The following RPS10 variants were observed in gnomAD, a reference collection of about 807,000 sequenced individuals.
RPS10 encodes ribosomal protein S10.
A neutral mutation model predicts 22.6 loss-of-function variants in RPS10; 2 were observed. That is an observed-to-expected ratio of 0.09 (90% CI 0.04 to 0.28). RPS10 has a LOEUF of 0.28. Ranked by LOEUF, RPS10 falls within the 10% of genes least tolerant of loss-of-function variation. The pLI, the probability that RPS10 is intolerant of heterozygous loss-of-function variation, is 1.00. For synonymous variants in RPS10, 70 were observed against 75.9 expected, an observed-to-expected ratio of 0.92 and a Z score of 0.40; for missense variants, 137 against 222.2, an observed-to-expected ratio of 0.62 and a Z score of 2.44.
At chr6:34,421,662 C>T (rs1395294704) in intron 4 of RPS10, 68 bp downstream of exon 4, 1 of 1,587,126 alleles carries the variant, frequency 6.3e-7, no homozygotes, top group Non-Finnish European at 8.6e-7. Flanking sequence ...CCCACCCAGC[C>T]AGAGCCAGCT....
At chr6:34,424,611 C>T in intron 3 of RPS10, 58 bp downstream of exon 3, 1 of 1,604,072 alleles carries the variant, frequency 6.2e-7, no homozygotes, top group Non-Finnish European at 8.5e-7. Flanking sequence ...ATGCTTTTGT[C>T]CCTTACACAA....
At chr6:34,419,920 TTGCCCAGGCTGGA>T (rs1337341657) in intron 4 of RPS10, among the ~76,000 whole-genome samples, 10 of 152,260 alleles carry the variant, frequency 6.6e-5, no homozygotes, top group South Asian at 2.1e-4. Context: ...TCTCACTCTG[TTGCCCAGGCTGGA>T]ATGTAGCAAC....
chr6:34,421,857 T>G (rs762757808), intron 3 of RPS10, 50 bp from the exon 4 acceptor site: 1 of 1,610,156 alleles, frequency 6.2e-7, no homozygotes. Flanking sequence ...GAGAACTCTG[T>G]CCCTTAAAGC....
At chr6:34,422,831 C>T (rs915035236) in intron 3 of RPS10, among the ~76,000 whole-genome samples, 4 of 151,186 alleles carry the variant, frequency 2.6e-5, no homozygotes, top group African/African-American at 7.3e-5. Context: ...CCTGTAATCC[C>T]GGCACTTTGG....
intron 1 of RPS10, 113 bp from the exon 2 acceptor site, chr6:34,425,334 G>A (rs762338503): frequency 4.7e-4 from 651 of 1,389,500 alleles, no homozygotes; most frequent in Non-Finnish European, 6.1e-4. Flanking sequence ...ACATGCTGGT[G>A]GGAAGACTCA....
rs1002530753 is a variant in RPS10, at chr6:34,421,253, G to A, written c.400+477C>T. ...AGATCTAATACAATGGCATGATCTC[G>A]GCTCACTGCGGCCTCTGCCTCCCAG... On this transcript the variant is annotated intron_variant, in intron 4 of 5. Coordinates refer to ENST00000648437, the MANE Select transcript of RPS10 (RefSeq NM_001014.5). Among the ~76,000 whole-genome samples the A allele has an allele frequency of 6.6e-5, 10 of 151,702 alleles. No individual in the cohort carries two copies. The East Asian group carries it at 1.6e-3, about 24-fold the overall frequency.
At chr6:34,417,714 T>C in intron 5 of RPS10, 167 bp from the exon 6 acceptor site, 4 of 739,608 alleles carry the variant, frequency 5.4e-6, no homozygotes, top group Admixed American at 4.1e-5. Context: ...TTACTGGATG[T>C]GGGGCCATAT....
intron 1 of RPS10, chr6:34,425,475 C>A (rs1308294881): frequency 6.3e-6 from 3 of 475,592 alleles, no homozygotes; most frequent in Non-Finnish European, 7.8e-6. Context: ...TCCTTAAGTT[C>A]TCATCAATTA....
chr6:34,424,989 G>C (rs527682912), intron 2 of RPS10, 83 bp downstream of exon 2: 2 of 1,609,864 alleles, frequency 1.2e-6, no homozygotes, highest in African/African-American at 2.7e-5. Flanking sequence ...CTTAGGGGAA[G>C]ATCCCTCCAT....
At chr6:34,423,419 A>T (rs1353491860) in intron 3 of RPS10, among the ~76,000 whole-genome samples, 1 of 152,212 alleles carries the variant, frequency 6.6e-6, no homozygotes, top group Non-Finnish European at 1.5e-5. Flanking sequence ...GGAATGAGTC[A>T]CTGCACTCAG....
In RPS10 at chr6:34,425,408, G is replaced by A. The variant is rs375460654; in HGVS notation, c.1-187C>T. On this transcript the variant is annotated intron_variant, in intron 1 of 5. Coordinates refer to ENST00000648437, the MANE Select transcript of RPS10 (RefSeq NM_001014.5). The stretch of plus-strand genomic sequence containing the variant: ...GTCCCCACCCCCAAACACAATTCAG[G>A]TGGAAAAGTTGACAGTATGTTAAAA... 1.0e-5 allele frequency: 7 copies of A among 696,456 alleles called. No homozygotes were observed. In the South Asian group the frequency reaches 1.2e-4, roughly 12 times the overall value. 43.1% of individuals were successfully genotyped at this position (696,456 alleles called of 1,614,324 possible).
rs764031394 is a variant in RPS10, at chr6:34,425,232, G to A, written c.1-11C>T. ...CTTAGGCATCAACATCTGCAAGAAG[G>A]AGACGATTGTCAAGAGCACTTCTGA... On this transcript the variant is annotated splice_polypyrimidine_tract_variant and intron_variant, in intron 1 of 5. Transcript: ENST00000648437. 1.4e-5 allele frequency: 23 copies of A among 1,601,834 alleles called. No homozygotes were observed. Among genetic ancestry groups the A allele is most frequent in the Middle Eastern group, 1.6e-4 (1 of 6,068 alleles).
At chr6:34,425,046 T>TC (rs756918127) in intron 2 of RPS10, 26 bp downstream of exon 2, 4 of 1,611,812 alleles carry the variant, frequency 2.5e-6, no homozygotes, top group Non-Finnish European at 3.4e-6. Context: ...GGAAGATCCA[T>TC]CCCATCTTCC....
At chr6:34,421,611 A>C in intron 4 of RPS10, 119 bp downstream of exon 4, 1 of 1,148,754 alleles carries the variant, frequency 8.7e-7, no homozygotes, top group East Asian at 2.3e-5. Context: ...AGTGAAACCA[A>C]GAATCTTTCC....
At chr6:34,425,574 C>T (rs17697618) in intron 1 of RPS10, 1 of 343,888 alleles carries the variant, frequency 2.9e-6, no homozygotes, top group Non-Finnish European at 5.7e-6. Flanking sequence ...CGGAATCTCG[C>T]GGCTGTACCA....
At chr6:34,424,917 G>T in intron 2 of RPS10, 77 bp from the exon 3 acceptor site, 1 of 1,609,494 alleles carries the variant, frequency 6.2e-7, no homozygotes, top group Admixed American at 1.7e-5. Context: ...GTCCCAGCCA[G>T]CCCTTCAAGT....
At chr6:34,419,858 G>C (rs1263493905) in intron 4 of RPS10, among the ~76,000 whole-genome samples, 1 of 152,018 alleles carries the variant, frequency 6.6e-6, no homozygotes, top group Non-Finnish European at 1.5e-5. Flanking sequence ...GATTACAGGA[G>C]TGGGCCACCG....
At chr6:34,420,895 C>T (rs1205208342) in intron 4 of RPS10, among the ~76,000 whole-genome samples, 1 of 151,464 alleles carries the variant, frequency 6.6e-6, no homozygotes, top group African/African-American at 2.4e-5. Context: ...GTAGTCCCAG[C>T]TACTCGGGAG....
intron 4 of RPS10, among the ~76,000 whole-genome samples, chr6:34,420,693 T>G (rs1765730666): frequency 6.6e-6 from 1 of 152,114 alleles, no homozygotes; most frequent in African/African-American, 2.4e-5. Flanking sequence ...ACCTTGCTTT[T>G]GTATTACAAT....
Sources: gnomAD v4.1 joint callset for allele counts (sites outside exome capture counted in the v4.1 genomes callset) on GRCh38, gnomAD v4.1.1 for gene constraint, MANE v1.5 for transcripts, NCBI Gene and HGNC (gene_info 2026-07-23, HGNC 2026-07-21) for gene names.